NAV3: variants seen among roughly 807,000 people sequenced by gnomAD.
The protein encoded by NAV3 is neuron navigator 3.
Under a neutral mutation model 244.7 loss-of-function variants are expected in NAV3, and 87 were observed. That is an observed-to-expected ratio of 0.36 (90% confidence interval 0.30 to 0.42). NAV3 has a LOEUF of 0.42. NAV3 is among the 20% of genes least tolerant of loss of function. The pLI is 1.00. For missense variants in NAV3, 2,663 were observed against 2,893.3 expected, an observed-to-expected ratio of 0.92 and a Z score of 1.83; for synonymous variants, 1,126 against 1,042.2, an observed-to-expected ratio of 1.08 and a Z score of -1.55.
intron 3 of NAV3, among the ~76,000 whole-genome samples, chr12:77,941,364 T>A (rs566028757): frequency 4.6e-5 from 7 of 152,370 alleles, no homozygotes; most frequent in African/African-American, 1.7e-4. Context: ...CCTTGACTTT[T>A]TTTTGTTCTG....
chr12:77,803,210 G>A (rs889563281), intron 2 of NAV3, among the ~76,000 whole-genome samples: 1 of 151,956 alleles, frequency 6.6e-6, no homozygotes, highest in Non-Finnish European at 1.5e-5. Flanking sequence ...TCTACATTAG[G>A]TATTTCTCCT....
chr12:78,177,731 A>T (rs1236249054), intron 28 of NAV3, 46 bp downstream of exon 28: 1 of 1,545,914 alleles, frequency 6.5e-7, no homozygotes, highest in East Asian at 2.3e-5. Flanking sequence ...TCCAGGTTCT[A>T]ACCTAAGTAG....
intron 1 of NAV3, among the ~76,000 whole-genome samples, chr12:77,892,448 C>T (rs910518147): frequency 6.6e-6 from 1 of 150,934 alleles, no homozygotes; most frequent in African/African-American, 2.4e-5. Flanking sequence ...CAGAATCTTG[C>T]TCTGTCACCC....
chr12:77,776,445 G>A (rs1272293153), intron 2 of NAV3, among the ~76,000 whole-genome samples: 2 of 152,244 alleles, frequency 1.3e-5, no homozygotes, highest in South Asian at 2.1e-4. Flanking sequence ...ACACATAAAG[G>A]CATAAGCAAA....
intron 2 of NAV3, among the ~76,000 whole-genome samples, chr12:77,822,574 T>A (rs1393417545): frequency 6.6e-6 from 1 of 152,136 alleles, no homozygotes; most frequent in Non-Finnish European, 1.5e-5. Flanking sequence ...AGAAGCCAGG[T>A]CTGGAGAATA....
At chr12:78,187,517 T>G (rs1958777672) in intron 31 of NAV3, among the ~76,000 whole-genome samples, 1 of 151,906 alleles carries the variant, frequency 6.6e-6, no homozygotes, top group Non-Finnish European at 1.5e-5. Context: ...TTTGAATTAT[T>G]TACCTTTCTA....
chr12:77,777,270 A>T (rs563318901), intron 2 of NAV3, among the ~76,000 whole-genome samples: 1 of 152,216 alleles, frequency 6.6e-6, no homozygotes, highest in East Asian at 1.9e-4. Context: ...AATATAATGA[A>T]ATATATATAC....
intron 2 of NAV3, among the ~76,000 whole-genome samples, chr12:77,821,631 T>A (rs1230164807): frequency 6.6e-6 from 1 of 152,210 alleles, no homozygotes; most frequent in Non-Finnish European, 1.5e-5. Flanking sequence ...TGCCACTCTT[T>A]TATGTTTTAG....
At chr12:78,158,871 T>C (rs1164282047) in intron 22 of NAV3, among the ~76,000 whole-genome samples, 4 of 152,280 alleles carry the variant, frequency 2.6e-5, no homozygotes, top group African/African-American at 2.4e-5. Context: ...TCTTGGCAGA[T>C]CAGAACTTTA....
chr12:77,587,694 A>C (rs711099), intron 2 of NAV3, among the ~76,000 whole-genome samples: 1 of 152,020 alleles, frequency 6.6e-6, no homozygotes, highest in African/African-American at 2.4e-5. Context: ...TATTACATTC[A>C]TTAAGAATGA....
chr12:77,630,625 G>A (rs921649997), intron 2 of NAV3, among the ~76,000 whole-genome samples: 3 of 152,128 alleles, frequency 2.0e-5, no homozygotes, highest in Non-Finnish European at 4.4e-5. Context: ...CATTAAAGAC[G>A]TGAAGGAAGA....
intron 5 of NAV3, among the ~76,000 whole-genome samples, chr12:77,976,774 G>T (rs1868519642): frequency 6.9e-6 from 1 of 145,522 alleles, no homozygotes; most frequent in Non-Finnish European, 1.5e-5. Flanking sequence ...CCCCTCCCGG[G>T]TTCAAGTGAT....
intron 1 of NAV3, among the ~76,000 whole-genome samples, chr12:77,842,719 C>A (rs1446561827): frequency 6.6e-6 from 1 of 151,904 alleles, no homozygotes; most frequent in East Asian, 1.9e-4. Context: ...AACTCAGCAT[C>A]AAAAGAAGAA....
At chr12:78,053,494 C>T (rs1279736405) in intron 11 of NAV3, among the ~76,000 whole-genome samples, 1 of 152,070 alleles carries the variant, frequency 6.6e-6, no homozygotes, top group African/African-American at 2.4e-5. Flanking sequence ...TTAATACATA[C>T]TATTGATTCA....
intron 9 of NAV3, among the ~76,000 whole-genome samples, chr12:78,031,023 G>T (rs1395823973): frequency 3.9e-5 from 6 of 152,114 alleles, no homozygotes; most frequent in Non-Finnish European, 8.8e-5. Context: ...ATTGCTCATG[G>T]TTGCTGTAGG....
Position 78,185,624 on chromosome 12 carries a change from G to A in NAV3, c.5716G>A (p.Asp1906Asn), listed in dbSNP as rs763489074. The A allele has an allele frequency of 3.1e-6, 5 of 1,608,296 alleles. No individual in the cohort carries two copies. The highest frequency in any genetic ancestry group is 3.4e-6 in the Non-Finnish European group (4 of 1,177,246). Residue 1906 changes from aspartate (D) to asparagine (N), a missense_variant, in exon 31 of 40, where the codon GAT (aspartate) becomes AAT (asparagine). By Grantham distance (23) the Asp-to-Asn change is conservative. Coordinates refer to ENST00000397909, the MANE Select transcript of NAV3 (RefSeq NM_001024383.2). ...SSDILLDDAG[D>N]ATGHKDGRSV... The stretch of plus-strand genomic sequence containing the variant: ...AGATATTTTGCTAGATGATGCTGGT[G>A]ATGCAACTGGACATAAAGATGGCCG...
intron 2 of NAV3, among the ~76,000 whole-genome samples, chr12:77,647,990 T>C (rs945402150): frequency 2.0e-5 from 3 of 152,088 alleles, no homozygotes; most frequent in African/African-American, 7.2e-5. Context: ...CTGGCAGCAG[T>C]TCAAAAATAA....
At chr12:77,607,905 A>G (rs1226907172) in intron 2 of NAV3, among the ~76,000 whole-genome samples, 1 of 152,166 alleles carries the variant, frequency 6.6e-6, no homozygotes, top group Non-Finnish European at 1.5e-5. Flanking sequence ...GGTGCCGAAT[A>G]AATGTTTATG....
chr12:78,177,415 A>G (rs540290293), intron 27 of NAV3, 102 bp downstream of exon 27: 633 of 1,350,104 alleles, frequency 4.7e-4, no homozygotes, highest in Middle Eastern at 8.0e-4. Context: ...TTATTTTCAG[A>G]TTTTTCTGAG....
Sources: gnomAD v4.1 joint callset for allele counts (sites outside exome capture counted in the v4.1 genomes callset) on GRCh38, gnomAD v4.1.1 for gene constraint, MANE v1.5 for transcripts, NCBI Gene and HGNC (gene_info 2026-07-23, HGNC 2026-07-21) for gene names.